CTNNA3: variants seen among roughly 807,000 people sequenced by gnomAD.
The protein encoded by CTNNA3 is catenin alpha 3.
CTNNA3 carries 76 observed loss-of-function variants against 95.7 expected under a neutral mutation model. The observed-to-expected ratio is 0.79, with a 90% CI of 0.66 to 0.96. The LOEUF (loss-of-function observed/expected upper bound fraction) is 0.96, where lower values mean the gene tolerates loss of function less well. Ranked by LOEUF, CTNNA3 falls within the 40% of genes least tolerant of loss-of-function variation. The pLI is 0.00. For missense variants in CTNNA3, 1,191 were observed against 1,089.8 expected, an observed-to-expected ratio of 1.09 and a Z score of -1.31; for synonymous variants, 431 against 374.4, an observed-to-expected ratio of 1.15 and a Z score of -1.74.
At chr10:67,761,178 A>G (rs2131758980) in intron 1 of CTNNA3, among the ~76,000 whole-genome samples, 1 of 152,340 alleles carries the variant, frequency 6.6e-6, no homozygotes, top group East Asian at 1.9e-4. Flanking sequence ...GTGAAAATAC[A>G]GTATTAAAGT....
chr10:66,727,559 G>C (rs1252219871), intron 9 of CTNNA3, among the ~76,000 whole-genome samples: 1 of 152,020 alleles, frequency 6.6e-6, no homozygotes, highest in Non-Finnish European at 1.5e-5. Flanking sequence ...CCCATTCTTT[G>C]ATATTAATAA....
chr10:67,361,003 A>G (rs1234831042), intron 5 of CTNNA3, among the ~76,000 whole-genome samples: 1 of 151,686 alleles, frequency 6.6e-6, no homozygotes. Flanking sequence ...ACTTTAAACC[A>G]TCTACAGTAA....
Position 66,295,310 on chromosome 10 carries a change from G to A in CTNNA3, c.1733-14689C>T, listed in dbSNP as rs994973547. The stretch of plus-strand genomic sequence containing the variant: ...AATATCTTACTGAAACATTCTAAGC[G>A]TAGGTTAAGAAATGCATAATCGTTG... On this transcript the variant is annotated intron_variant, in intron 12 of 17. Coordinates refer to ENST00000433211, the MANE Select transcript of CTNNA3 (RefSeq NM_013266.4). Among the ~76,000 whole-genome samples, 24 of 152,208 alleles carry A rather than the reference G, an allele frequency of 1.6e-4. 1 individual carries two copies. The highest frequency in any genetic ancestry group is 4.8e-4 in the African/African-American group (20 of 41,532).
intron 11 of CTNNA3, among the ~76,000 whole-genome samples, chr10:66,405,148 G>T (rs1426869434): frequency 6.6e-6 from 1 of 152,070 alleles, no homozygotes; most frequent in African/African-American, 2.4e-5. Context: ...TCTTTATACA[G>T]ATTCCAGTGA....
intron 12 of CTNNA3, among the ~76,000 whole-genome samples, chr10:66,325,250 C>T (rs1487049830): frequency 1.3e-5 from 2 of 151,932 alleles, no homozygotes; most frequent in Admixed American, 6.6e-5. Context: ...GTTTTCTGTA[C>T]ATTAAAGGGT....
intron 13 of CTNNA3, among the ~76,000 whole-genome samples, chr10:66,168,863 C>T (rs1348259866): frequency 2.0e-5 from 3 of 152,104 alleles, no homozygotes; most frequent in African/African-American, 7.2e-5. Flanking sequence ...CAAAAGAAGA[C>T]TTCTATATTT....
chr10:65,983,020 A>G (rs1482947671), intron 16 of CTNNA3, among the ~76,000 whole-genome samples: 1 of 151,646 alleles, frequency 6.6e-6, no homozygotes, highest in African/African-American at 2.4e-5. Flanking sequence ...AATACAAATT[A>G]TACTTGTAGG....
At chr10:66,964,964 A>C (rs1337329001) in intron 7 of CTNNA3, among the ~76,000 whole-genome samples, 3 of 152,248 alleles carry the variant, frequency 2.0e-5, no homozygotes, top group Non-Finnish European at 4.4e-5. Context: ...ATTTAAAGCT[A>C]TTAAAAAGCA....
chr10:66,814,266 GAAA>G (rs71035182), intron 7 of CTNNA3, among the ~76,000 whole-genome samples: 2,194 of 137,084 alleles, frequency 0.016, 65 homozygotes, highest in African/African-American at 0.054. Context: ...AAGGAGGAAA[GAAA>G]AAAAAAAAAA....
intron 13 of CTNNA3, 115 bp downstream of exon 13, chr10:66,280,355 T>A: frequency 1.1e-6 from 1 of 910,766 alleles, no homozygotes; most frequent in Admixed American, 2.6e-5. Context: ...AAAGTTTTAA[T>A]AGATTTCAGC....
chr10:66,533,645 T>C (rs996350122), intron 10 of CTNNA3, among the ~76,000 whole-genome samples: 1 of 152,214 alleles, frequency 6.6e-6, no homozygotes, highest in African/African-American at 2.4e-5. Flanking sequence ...AGAATCCCTC[T>C]TCCCATGTAA....
chr10:67,576,632 C>T (rs1039107192), intron 3 of CTNNA3, among the ~76,000 whole-genome samples: 2 of 146,524 alleles, frequency 1.4e-5, no homozygotes, highest in African/African-American at 2.6e-5. Flanking sequence ...TATACATGTG[C>T]CATGCTGGTG....
At chr10:67,309,901 C>A (rs1840715682) in intron 5 of CTNNA3, among the ~76,000 whole-genome samples, 1 of 152,028 alleles carries the variant, frequency 6.6e-6, no homozygotes, top group Non-Finnish European at 1.5e-5. Flanking sequence ...TGTTAGCCTG[C>A]AAATGTATCC....
At chr10:67,267,144 A>C (rs1866861232) in intron 5 of CTNNA3, among the ~76,000 whole-genome samples, 1 of 152,210 alleles carries the variant, frequency 6.6e-6, no homozygotes, top group African/African-American at 2.4e-5. Context: ...CGAAGAAATT[A>C]AAACACAAAC....
intron 5 of CTNNA3, among the ~76,000 whole-genome samples, chr10:67,287,556 T>A (rs1839656589): frequency 6.6e-6 from 1 of 152,190 alleles, no homozygotes; most frequent in Non-Finnish European, 1.5e-5. Context: ...ACTGACTGCA[T>A]ACAAATGACT....
intron 9 of CTNNA3, among the ~76,000 whole-genome samples, chr10:66,633,541 G>T (rs7091807): frequency 0.37 from 56,751 of 151,770 alleles, 12,071 homozygotes; most frequent in Non-Finnish European, 0.49. Flanking sequence ...TTAGCCGGGT[G>T]TGGTGGCGGG....
intron 7 of CTNNA3, among the ~76,000 whole-genome samples, chr10:67,063,667 T>A (rs1855895481): frequency 6.6e-6 from 1 of 152,188 alleles, no homozygotes; most frequent in Non-Finnish European, 1.5e-5. Context: ...GAATAAATAC[T>A]TAGACACCTA....
At chr10:66,234,813 G>T (rs550808929) in intron 13 of CTNNA3, among the ~76,000 whole-genome samples, 1 of 152,264 alleles carries the variant, frequency 6.6e-6, no homozygotes, top group Non-Finnish European at 1.5e-5. Flanking sequence ...TGAACAGAAT[G>T]AAGCAAAAGT....
intron 7 of CTNNA3, among the ~76,000 whole-genome samples, chr10:67,049,020 AT>A (rs1474034038): frequency 2.1e-5 from 2 of 97,136 alleles, no homozygotes; most frequent in Non-Finnish European, 3.9e-5. Flanking sequence ...AAAATTTATG[AT>A]GATAACTGGT....
Sources: gnomAD v4.1 joint callset for allele counts (sites outside exome capture counted in the v4.1 genomes callset) on GRCh38, gnomAD v4.1.1 for gene constraint, MANE v1.5 for transcripts, NCBI Gene and HGNC (gene_info 2026-07-23, HGNC 2026-07-21) for gene names.